The following CSMD1 variants were observed in gnomAD, a reference collection of about 807,000 sequenced individuals.
The protein encoded by CSMD1 is CUB and sushi domain-containing protein 1.
A neutral mutation model predicts 417.5 loss-of-function variants in CSMD1; 213 were observed. That is an observed-to-expected ratio of 0.51 (90% confidence interval 0.46 to 0.57). The LOEUF (loss-of-function observed/expected upper bound fraction) is 0.57. Among genes scored for constraint, CSMD1 ranks in the 20% least tolerant of loss-of-function variants. The probability of loss-of-function intolerance (pLI) is 0.00; values close to 1 mark genes in which losing one functional copy is unlikely to be tolerated. For missense variants in CSMD1, 6,923 were observed against 4,529.7 expected, an observed-to-expected ratio of 1.53 and a Z score of -15.17; for synonymous variants, 2,862 against 1,736.8, an observed-to-expected ratio of 1.65 and a Z score of -16.11.
chr8:4,664,395 A>C (rs114760933), intron 1 of CSMD1, among the ~76,000 whole-genome samples: 2 of 152,042 alleles, frequency 1.3e-5, no homozygotes, highest in Non-Finnish European at 2.9e-5. Flanking sequence ...CCCCATGTCT[A>C]CAGTAGAAAC....
At chr8:3,901,491 G>T (rs1467968780) in intron 5 of CSMD1, among the ~76,000 whole-genome samples, 2 of 152,128 alleles carry the variant, frequency 1.3e-5, no homozygotes, top group African/African-American at 2.4e-5. Context: ...CACATGCATT[G>T]TCAGTTCTGA....
At chr8:3,239,151 G>C (rs1237549648) in intron 26 of CSMD1, among the ~76,000 whole-genome samples, 1 of 152,178 alleles carries the variant, frequency 6.6e-6, no homozygotes, top group Non-Finnish European at 1.5e-5. Flanking sequence ...AGTGGTGGCT[G>C]AGCTTGGTAA....
intron 1 of CSMD1, among the ~76,000 whole-genome samples, chr8:4,966,607 C>G (rs1327562284): frequency 2.0e-5 from 3 of 152,122 alleles, no homozygotes; most frequent in Non-Finnish European, 4.4e-5. Flanking sequence ...TTGAGAGGTA[C>G]TGTCTTAGGT....
At chr8:3,325,163 GACCCCTT>G (rs1228859788) in intron 23 of CSMD1, among the ~76,000 whole-genome samples, 1 of 152,160 alleles carries the variant, frequency 6.6e-6, no homozygotes, top group African/African-American at 2.4e-5. Context: ...CATGACCTGT[GACCCCTT>G]ACCCAGTGTT....
chr8:2,971,708 T>C (rs1459633758), intron 57 of CSMD1, among the ~76,000 whole-genome samples: 1 of 152,158 alleles, frequency 6.6e-6, no homozygotes, highest in Non-Finnish European at 1.5e-5. Flanking sequence ...ATCTACAAGA[T>C]GAGAGGGAAC....
intron 1 of CSMD1, among the ~76,000 whole-genome samples, chr8:4,743,558 C>A (rs957136803): frequency 6.6e-6 from 1 of 152,170 alleles, no homozygotes; most frequent in South Asian, 2.1e-4. Flanking sequence ...CCGTCATTAA[C>A]CACAGAGAGT....
At chr8:4,103,299 T>G (rs1454733126) in intron 3 of CSMD1, among the ~76,000 whole-genome samples, 2 of 151,504 alleles carry the variant, frequency 1.3e-5, no homozygotes, top group Non-Finnish European at 2.9e-5. Context: ...GACGTGTGTG[T>G]GCATATACAC....
At chr8:3,358,767 C>A (rs575848509) in intron 21 of CSMD1, among the ~76,000 whole-genome samples, 55 of 152,250 alleles carry the variant, frequency 3.6e-4, no homozygotes, top group African/African-American at 1.1e-3. Flanking sequence ...GGGACACGTG[C>A]TGCTTTTAAT....
intron 49 of CSMD1, among the ~76,000 whole-genome samples, chr8:3,055,540 T>C (rs1281609187): frequency 6.6e-6 from 1 of 152,186 alleles, no homozygotes; most frequent in African/African-American, 2.4e-5. Context: ...TCATCTCTCA[T>C]TTATTCCCAA....
chr8:4,346,053 T>C (rs940887937), intron 3 of CSMD1, among the ~76,000 whole-genome samples: 12 of 152,272 alleles, frequency 7.9e-5, no homozygotes, highest in South Asian at 2.1e-4. Context: ...AGATTGTTCA[T>C]GGTCCATGTG....
intron 3 of CSMD1, among the ~76,000 whole-genome samples, chr8:4,330,389 G>A (rs1799801796): frequency 1.3e-5 from 2 of 152,050 alleles, no homozygotes; most frequent in Non-Finnish European, 2.9e-5. Flanking sequence ...GAGGTCAGGA[G>A]TTCAGACCAG....
intron 3 of CSMD1, among the ~76,000 whole-genome samples, chr8:4,237,127 A>C (rs948213065): frequency 6.6e-6 from 1 of 152,210 alleles, no homozygotes; most frequent in Non-Finnish European, 1.5e-5. Flanking sequence ...GCTACTTTGC[A>C]CGGAAGCCCT....
intron 5 of CSMD1, among the ~76,000 whole-genome samples, chr8:3,856,021 A>G (rs1442965871): frequency 6.6e-6 from 1 of 152,082 alleles, no homozygotes; most frequent in African/African-American, 2.4e-5. Flanking sequence ...TATCTAGACA[A>G]ACATTACCAA....
intron 1 of CSMD1, among the ~76,000 whole-genome samples, chr8:4,913,853 T>C (rs954441447): frequency 2.0e-5 from 3 of 152,216 alleles, no homozygotes; most frequent in African/African-American, 7.2e-5. Flanking sequence ...AGCCAGCAGC[T>C]GTTAAGGGAT....
chr8:3,856,617 A>G (rs553066898), intron 5 of CSMD1, among the ~76,000 whole-genome samples: 2 of 152,282 alleles, frequency 1.3e-5, no homozygotes, highest in Non-Finnish European at 2.9e-5. Context: ...GTCCTTTTCT[A>G]TGGTGCCCCT....
chr8:4,064,804 T>G (rs999052488), intron 3 of CSMD1, among the ~76,000 whole-genome samples: 1 of 152,184 alleles, frequency 6.6e-6, no homozygotes, highest in African/African-American at 2.4e-5. Flanking sequence ...GTACTCCCGG[T>G]GATCTTGTTA....
chr8:3,765,070 T>C (rs1798197953), intron 5 of CSMD1, among the ~76,000 whole-genome samples: 1 of 152,160 alleles, frequency 6.6e-6, no homozygotes, highest in Admixed American at 6.5e-5. Flanking sequence ...CTAAAAATAT[T>C]TTTCATAGCT....
chr8:4,258,827 C>A (rs1803668441), intron 3 of CSMD1, among the ~76,000 whole-genome samples: 1 of 152,096 alleles, frequency 6.6e-6, no homozygotes, highest in African/African-American at 2.4e-5. Context: ...GCAGAAAGAT[C>A]AGGAGCCCCA....
intron 3 of CSMD1, among the ~76,000 whole-genome samples, chr8:4,069,778 G>C (rs989071626): frequency 2.6e-5 from 4 of 152,050 alleles, no homozygotes; most frequent in Admixed American, 6.5e-5. Flanking sequence ...CCAAACTCCT[G>C]TTTTGGTGTT....
Sources: gnomAD v4.1 joint callset for allele counts (sites outside exome capture counted in the v4.1 genomes callset) on GRCh38, gnomAD v4.1.1 for gene constraint, MANE v1.5 for transcripts, NCBI Gene and HGNC (gene_info 2026-07-23, HGNC 2026-07-21) for gene names.